The following TMEM132D variants were observed in gnomAD, a reference collection of about 807,000 sequenced individuals.
TMEM132D encodes the protein transmembrane protein 132D.
TMEM132D carries 21 observed loss-of-function variants against 62.3 expected under a neutral mutation model. The observed-to-expected ratio is 0.34, with a 90% confidence interval of 0.24 to 0.49. The LOEUF is 0.49. TMEM132D is among the 20% of genes least tolerant of loss of function. The pLI is 0.99. For missense variants in TMEM132D, 1,346 were observed against 1,402.8 expected (o/e 0.96, Z 0.65); for synonymous variants, 621 against 575.6 (o/e 1.08, Z -1.13).
chr12:129,428,120 A>C (rs1383604276), intron 3 of TMEM132D, among the ~76,000 whole-genome samples: 1 of 152,248 alleles, frequency 6.6e-6, no homozygotes, highest in Non-Finnish European at 1.5e-5. Flanking sequence ...ACAAAAGAGA[A>C]AACCAGGAAG....
At chr12:129,794,140 G>C (rs1183468362) in intron 1 of TMEM132D, among the ~76,000 whole-genome samples, 2 of 150,396 alleles carry the variant, frequency 1.3e-5, no homozygotes, top group Admixed American at 1.3e-4. Flanking sequence ...CCAGGCTGGA[G>C]TGCGGTGGTG....
At chr12:129,549,533 C>T (rs116836136) in intron 2 of TMEM132D, among the ~76,000 whole-genome samples, 2,230 of 152,280 alleles carry the variant, frequency 0.015, 61 homozygotes, top group African/African-American at 0.051. Flanking sequence ...CCATGTAAGA[C>T]GTGCCTTTAC....
At chr12:129,098,202 T>C (rs1453100857) in intron 5 of TMEM132D, among the ~76,000 whole-genome samples, 2 of 152,124 alleles carry the variant, frequency 1.3e-5, no homozygotes, top group South Asian at 2.1e-4. Flanking sequence ...AATAGGTAAA[T>C]TGATGAATAA....
intron 4 of TMEM132D, among the ~76,000 whole-genome samples, chr12:129,231,721 G>A (rs563790749): frequency 6.2e-4 from 95 of 152,262 alleles, no homozygotes; most frequent in Non-Finnish European, 7.1e-4. Context: ...AATCCCCACC[G>A]GGCTATGGGT....
At chr12:129,389,459 A>G (rs1183998729) in intron 3 of TMEM132D, among the ~76,000 whole-genome samples, 1 of 152,016 alleles carries the variant, frequency 6.6e-6, no homozygotes, top group Admixed American at 6.6e-5. Flanking sequence ...TACTAACACT[A>G]ATGTCACTGC....
At chr12:129,293,833 G>C (rs973638173) in intron 4 of TMEM132D, among the ~76,000 whole-genome samples, 4 of 152,134 alleles carry the variant, frequency 2.6e-5, no homozygotes, top group African/African-American at 9.7e-5. Flanking sequence ...TCGCTCGCTT[G>C]CCCATCACTT....
rs141190010 is a variant in TMEM132D at position 129,297,556 on chromosome 12, C to T, written c.1299+40078G>A. Among the ~76,000 whole-genome samples the T allele has an allele frequency of 1.2e-3, 178 of 152,324 alleles. 1 individual carries two copies. Among genetic ancestry groups the T allele is most frequent in the African/African-American group, 3.9e-3 (162 of 41,570 alleles). ...CCGTTAGTAAGAATTGGCTTCAAAG[C>T]ACCCCAGGCTCTGTGGCTTTCCTTT... On this transcript the variant is annotated intron_variant, in intron 4 of 8. Coordinates refer to ENST00000422113, the MANE Select transcript of TMEM132D (RefSeq NM_133448.3).
chr12:129,542,250 A>T (rs1474280495), intron 2 of TMEM132D, among the ~76,000 whole-genome samples: 1 of 152,172 alleles, frequency 6.6e-6, no homozygotes, highest in African/African-American at 2.4e-5. Context: ...ATAAGACCTA[A>T]TTTTACTGTC....
At chr12:129,357,591 AAGG>A (rs996960382) in intron 3 of TMEM132D, among the ~76,000 whole-genome samples, 7 of 152,180 alleles carry the variant, frequency 4.6e-5, no homozygotes, top group Middle Eastern at 6.8e-3. Flanking sequence ...GGGAGAAAGA[AAGG>A]AGAGAAAGAA....
rs759081670 is a variant in TMEM132D, at chr12:129,337,703, C to A, written c.1230G>T (p.Thr410=). Residue 410 remains threonine, a synonymous_variant, in exon 4 of 9, where the codon ACG becomes ACT. Transcript: ENST00000422113. ...AGATCTTGGACACTCCCAAGTCAGACGTGATCTCTCCGGGGTACTCGACCT... is the reference window on the plus strand; with the variant it reads ...AGATCTTGGACACTCCCAAGTCAGAAGTGATCTCTCCGGGGTACTCGACCT... ...TWQVEYPGEI[T]SDLGVSKIYV... 5.0e-6 allele frequency: 8 copies of A among 1,614,100 alleles called. No homozygotes were observed. The highest frequency in any genetic ancestry group is 6.8e-6 in the Non-Finnish European group (8 of 1,180,048).
chr12:129,239,706 G>A (rs1879883090), intron 4 of TMEM132D, among the ~76,000 whole-genome samples: 1 of 152,196 alleles, frequency 6.6e-6, no homozygotes, highest in Non-Finnish European at 1.5e-5. Flanking sequence ...GCCAAAGATT[G>A]CTGGCAACCA....
At chr12:129,426,918 G>A (rs1233629474) in intron 3 of TMEM132D, among the ~76,000 whole-genome samples, 1 of 152,218 alleles carries the variant, frequency 6.6e-6, no homozygotes, top group Non-Finnish European at 1.5e-5. Context: ...CCTCTCATAG[G>A]TGGAATGTGC....
intron 3 of TMEM132D, among the ~76,000 whole-genome samples, chr12:129,523,105 C>T (rs897502079): frequency 9.8e-5 from 12 of 122,356 alleles, no homozygotes; most frequent in Admixed American, 2.4e-4. Flanking sequence ...TGCATACACA[C>T]GCACGTGCAC....
intron 5 of TMEM132D, among the ~76,000 whole-genome samples, chr12:129,197,700 A>AG (rs1212114624): frequency 1.3e-5 from 2 of 152,252 alleles, no homozygotes; most frequent in African/African-American, 2.4e-5. Context: ...AAGAAAACAC[A>AG]GGGGAAACAC....
chr12:129,202,905 G>A lies in TMEM132D; in HGVS notation c.1443+6615C>T, dbSNP rs115995815. 9.3e-3 allele frequency among the ~76,000 whole-genome samples: 1,414 copies of A among 152,316 alleles called. 23 individuals are homozygous for A. The highest frequency in any genetic ancestry group is 0.031 in the African/African-American group (1,287 of 41,582). ...GGCTAAACGTTACACTAGGCACATA[G>A]TAGTTGCTCAAGAAATGTTTGCTGT... On this transcript the variant is annotated intron_variant, in intron 5 of 8. Coordinates refer to ENST00000422113, the MANE Select transcript of TMEM132D (RefSeq NM_133448.3).
At chr12:129,255,433 A>C (rs10444468) in intron 4 of TMEM132D, among the ~76,000 whole-genome samples, 51,344 of 151,998 alleles carry the variant, frequency 0.34, 9,369 homozygotes, top group Non-Finnish European at 0.42. Flanking sequence ...CCCAGGAGGA[A>C]TCTGATTTCT....
rs34308998 is a variant in TMEM132D, at chr12:129,664,421, A to ATTTTTT, written c.968+35383_968+35388dup. ...ATCTTGACATTCTACAATTACAAGA[A>ATTTTTT]TTTTTTTTTTTTTTTTTTTTTGAGA... On this transcript the variant is annotated intron_variant, in intron 2 of 8. Transcript: ENST00000422113. Among the ~76,000 whole-genome samples the ATTTTTT allele has an allele frequency of 5.5e-3, 627 of 114,196 alleles. 31 individuals are homozygous for ATTTTTT. The South Asian group carries it at 0.066, about 12-fold the overall frequency. 74.9% of individuals were successfully genotyped at this position (114,196 alleles called of 152,430 possible).
At chr12:129,125,499 AG>A (rs375393969) in intron 5 of TMEM132D, among the ~76,000 whole-genome samples, 55,431 of 127,408 alleles carry the variant, frequency 0.44, 13,330 homozygotes, top group East Asian at 0.72. Context: ...AATTACTATG[AG>A]TTTTTTTTTT....
chr12:129,332,020 G>A (rs1869119858), intron 4 of TMEM132D, among the ~76,000 whole-genome samples: 1 of 152,136 alleles, frequency 6.6e-6, no homozygotes. Context: ...AGACTAGCCT[G>A]GGCAACCTGG....
Sources: allele counts gnomAD v4.1 joint callset (sites outside exome capture counted in the v4.1 genomes callset), GRCh38; gene constraint gnomAD v4.1.1; transcripts MANE v1.5; gene names NCBI Gene and HGNC (gene_info 2026-07-23, HGNC 2026-07-21).